KHDRBS2: variants seen among roughly 807,000 people sequenced by gnomAD.
KHDRBS2 encodes KH domain-containing, RNA-binding, signal transduction-associated protein 2.
A neutral mutation model predicts 44.3 loss-of-function variants in KHDRBS2; 26 were observed. The observed-to-expected ratio is 0.59, with a 90% CI of 0.43 to 0.81. The LOEUF is 0.81. Among genes scored for constraint, KHDRBS2 ranks in the 40% least tolerant of loss-of-function variants. The pLI, the probability that KHDRBS2 is intolerant of heterozygous loss-of-function variation, is 0.00. For synonymous variants in KHDRBS2, 194 were observed against 151.1 expected, an observed-to-expected ratio of 1.28 and a Z score of -2.08; for missense variants, 476 against 433.1, an observed-to-expected ratio of 1.10 and a Z score of -0.88.
the KHDRBS2 span, among the ~76,000 whole-genome samples, chr6:61,648,954 A>G: frequency 6.6e-6 from 1 of 152,086 alleles, no homozygotes; most frequent in Non-Finnish European, 1.5e-5. Flanking sequence ...TTCCATCCAG[A>G]TAGATATCTC....
At chr6:62,023,906 A>C (rs1460121972) in intron 3 of KHDRBS2, among the ~76,000 whole-genome samples, 1 of 151,214 alleles carries the variant, frequency 6.6e-6, no homozygotes, top group Non-Finnish European at 1.5e-5. Flanking sequence ...ACCTAATAAT[A>C]CATATTATTT....
At chr6:62,084,552 T>G (rs1312272707) in intron 2 of KHDRBS2, among the ~76,000 whole-genome samples, 1 of 152,148 alleles carries the variant, frequency 6.6e-6, no homozygotes, top group South Asian at 2.1e-4. Context: ...AATTCAGAGT[T>G]TGAGTCTGGA....
intron 6 of KHDRBS2, among the ~76,000 whole-genome samples, chr6:61,833,869 T>C (rs1159438349): frequency 6.6e-6 from 1 of 152,146 alleles, no homozygotes; most frequent in Non-Finnish European, 1.5e-5. Context: ...AAATTTTCTC[T>C]CTCTGTTTGC....
At chr6:62,048,468 G>T (rs1193216918) in intron 2 of KHDRBS2, among the ~76,000 whole-genome samples, 1 of 151,664 alleles carries the variant, frequency 6.6e-6, no homozygotes, top group Non-Finnish European at 1.5e-5. Context: ...AATAAAATTT[G>T]ATATTCAAGT....
chr6:62,078,091 T>C (rs775693632), intron 2 of KHDRBS2, among the ~76,000 whole-genome samples: 1 of 152,076 alleles, frequency 6.6e-6, no homozygotes, highest in African/African-American at 2.4e-5. Context: ...TAAGAGTATC[T>C]GCATAACACC....
chr6:61,571,852 T>C, the KHDRBS2 span, among the ~76,000 whole-genome samples: 1 of 152,030 alleles, frequency 6.6e-6, no homozygotes, highest in Non-Finnish European at 1.5e-5. Flanking sequence ...AATATTACAT[T>C]CTTACATCAA....
At chr6:61,604,852 T>A in the KHDRBS2 span, among the ~76,000 whole-genome samples, 1 of 152,184 alleles carries the variant, frequency 6.6e-6, no homozygotes, top group African/African-American at 2.4e-5. Context: ...TGGTCATTTC[T>A]TCCCTTCTGT....
At chr6:61,749,923 TG>T (rs1644348895) in intron 6 of KHDRBS2, among the ~76,000 whole-genome samples, 1 of 152,214 alleles carries the variant, frequency 6.6e-6, no homozygotes, top group South Asian at 2.1e-4. Context: ...AGAAGAATCT[TG>T]TGTTGTCAGT....
At chr6:61,955,789 T>C (rs1319799221) in intron 4 of KHDRBS2, among the ~76,000 whole-genome samples, 1 of 151,942 alleles carries the variant, frequency 6.6e-6, no homozygotes, top group Non-Finnish European at 1.5e-5. Context: ...ATTTACTAAG[T>C]ATTTTTAAGT....
chr6:62,101,895 TTAACA>T (rs1431825565), intron 2 of KHDRBS2, among the ~76,000 whole-genome samples: 1 of 152,202 alleles, frequency 6.6e-6, no homozygotes, highest in African/African-American at 2.4e-5. Flanking sequence ...AACAATTATA[TTAACA>T]TAACATGGTC....
chr6:61,656,975 G>A, the KHDRBS2 span, among the ~76,000 whole-genome samples: 1 of 151,832 alleles, frequency 6.6e-6, no homozygotes, highest in Non-Finnish European at 1.5e-5. Flanking sequence ...TTTCTCCTGA[G>A]GAAAAACAGA....
chr6:61,900,741 C>T (rs1803824783), intron 5 of KHDRBS2, among the ~76,000 whole-genome samples: 1 of 152,154 alleles, frequency 6.6e-6, no homozygotes, highest in African/African-American at 2.4e-5. Context: ...CTCTATCTAT[C>T]TACTTCCTTA....
downstream of KHDRBS2, among the ~76,000 whole-genome samples, chr6:61,679,463 T>C (rs1766124462): frequency 6.6e-6 from 1 of 151,934 alleles, no homozygotes; most frequent in African/African-American, 2.4e-5. Flanking sequence ...AACATTACTG[T>C]TGCATAGGCA....
chr6:61,975,555 C>A (rs1772419235), intron 4 of KHDRBS2, among the ~76,000 whole-genome samples: 1 of 151,884 alleles, frequency 6.6e-6, no homozygotes, highest in Admixed American at 6.6e-5. Context: ...TTATGACTTT[C>A]ATTGATGGGA....
intron 1 of KHDRBS2, among the ~76,000 whole-genome samples, chr6:62,256,474 A>G (rs1837410563): frequency 6.6e-6 from 1 of 151,906 alleles, no homozygotes; most frequent in Admixed American, 6.6e-5. Flanking sequence ...TGATGGTTTT[A>G]TAAGGGGGAG....
chr6:62,053,348 T>G (rs1322608115), intron 2 of KHDRBS2, among the ~76,000 whole-genome samples: 1 of 149,924 alleles, frequency 6.7e-6, no homozygotes, highest in Non-Finnish European at 1.5e-5. Context: ...CCAAAGCCAC[T>G]CATAAAAGAA....
intron 2 of KHDRBS2, among the ~76,000 whole-genome samples, chr6:62,097,426 T>C (rs553350352): frequency 1.3e-5 from 2 of 152,196 alleles, no homozygotes; most frequent in South Asian, 2.1e-4. Context: ...TGGGTACATA[T>C]ATATTTACAA....
chr6:61,650,004 G>A, the KHDRBS2 span, among the ~76,000 whole-genome samples: 1 of 152,130 alleles, frequency 6.6e-6, no homozygotes, highest in African/African-American at 2.4e-5. Flanking sequence ...CTTCAGACCT[G>A]TAATTCTCCC....
At chr6:61,963,031 A>G (rs1362614476) in intron 4 of KHDRBS2, among the ~76,000 whole-genome samples, 1 of 152,132 alleles carries the variant, frequency 6.6e-6, no homozygotes, top group African/African-American at 2.4e-5. Context: ...TGACAGCAGC[A>G]GACTTATTCA....
Sources: gnomAD v4.1 joint callset for allele counts (sites outside exome capture counted in the v4.1 genomes callset) on GRCh38, gnomAD v4.1.1 for gene constraint, MANE v1.5 for transcripts, NCBI Gene and HGNC (gene_info 2026-07-23, HGNC 2026-07-21) for gene names.